ATP11B: variants seen among roughly 807,000 people sequenced by gnomAD.
ATP11B encodes the protein ATPase phospholipid transporting 11B (putative), also known as phospholipid-transporting ATPase IF.
In ATP11B, 81 loss-of-function variants were observed where a neutral mutation model predicts 157.8. That is an observed-to-expected ratio of 0.51 (90% CI 0.43 to 0.62). The LOEUF (loss-of-function observed/expected upper bound fraction) is 0.62. Among genes scored for constraint, ATP11B ranks in the 20% least tolerant of loss-of-function variants. The pLI, the probability that ATP11B is intolerant of heterozygous loss-of-function variation, is 0.00. For missense variants in ATP11B, 1,165 were observed against 1,402.2 expected (o/e 0.83, Z 2.70); for synonymous variants, 451 against 469.4 (o/e 0.96, Z 0.51).
At chr3:182,802,183 C>A (rs1047261709) in intron 1 of ATP11B, among the ~76,000 whole-genome samples, 1 of 152,180 alleles carries the variant, frequency 6.6e-6, no homozygotes, top group African/African-American at 2.4e-5. Flanking sequence ...AGAACCATTT[C>A]TCTCGTCTTT....
chr3:182,826,435 G>A (rs1317104235), intron 2 of ATP11B, among the ~76,000 whole-genome samples: 1 of 152,106 alleles, frequency 6.6e-6, no homozygotes, highest in African/African-American at 2.4e-5. Flanking sequence ...TCCTTATAAA[G>A]TATTATACAT....
At chr3:182,822,338 G>A (rs566178532) in intron 2 of ATP11B, among the ~76,000 whole-genome samples, 120 of 151,840 alleles carry the variant, frequency 7.9e-4, no homozygotes, top group African/African-American at 2.6e-3. Context: ...TCATTGTTCT[G>A]TTCCCACCTA....
At position 182,898,146 on chromosome 3, in the gene ATP11B, A is replaced by G. The variant is rs567278543; in HGVS notation, c.3153-461A>G. 2.0e-5 allele frequency among the ~76,000 whole-genome samples: 3 copies of G among 152,278 alleles called. No homozygotes were observed. The East Asian group carries it at 5.8e-4, about 29-fold the overall frequency. ...ATATTCTTTTGAGGTAGTATATACA[A>G]AAACCCAAAAAGAATATCTTTATAA... On this transcript the variant is annotated intron_variant, in intron 27 of 29. Transcript: ENST00000323116.
At chr3:182,902,030 T>C (rs1724003569) in intron 28 of ATP11B, among the ~76,000 whole-genome samples, 1 of 152,176 alleles carries the variant, frequency 6.6e-6, no homozygotes, top group African/African-American at 2.4e-5. Context: ...GGTTGGTGTG[T>C]TTTTTCCTTT....
intron 1 of ATP11B, among the ~76,000 whole-genome samples, chr3:182,802,257 A>G (rs1269253070): frequency 6.6e-6 from 1 of 152,044 alleles, no homozygotes; most frequent in Non-Finnish European, 1.5e-5. Context: ...AAAGCTTCCT[A>G]GTTCATCTCA....
In ATP11B at chr3:182,857,361, A is replaced by T. The variant is rs1214463523; in HGVS notation, c.852-517A>T. 5.9e-5 allele frequency among the ~76,000 whole-genome samples: 9 copies of T among 152,148 alleles called. No individual in the cohort carries two copies. The East Asian group carries it at 9.7e-4, about 16-fold the overall frequency. ...ATGGGGTTTCATCGTGTTAACCAGG[A>T]TGGTCTCAATCTCCTGATCTCGTGA... is the stretch of plus-strand genomic sequence containing the variant. On this transcript the variant is annotated intron_variant, in intron 10 of 29. Transcript: ENST00000323116.
chr3:182,884,970 C>T (rs1722701387), intron 22 of ATP11B, 72 bp downstream of exon 22: 6 of 856,066 alleles, frequency 7.0e-6, no homozygotes, highest in Non-Finnish European at 1.0e-5. Context: ...ATGTTATAAC[C>T]TTATACATTT....
intron 9 of ATP11B, among the ~76,000 whole-genome samples, chr3:182,848,199 A>G (rs1355701497): frequency 1.3e-5 from 2 of 152,104 alleles, no homozygotes; most frequent in Non-Finnish European, 2.9e-5. Flanking sequence ...CTTTTCCTCT[A>G]TCAATTCCAA....
At chr3:182,827,748 C>T (rs1184869868) in intron 2 of ATP11B, among the ~76,000 whole-genome samples, 5 of 151,466 alleles carry the variant, frequency 3.3e-5, no homozygotes, top group Non-Finnish European at 7.4e-5. Context: ...GCATTTCTAT[C>T]AACTCATATT....
Position 182,837,029 on chromosome 3 carries a change from A to G in ATP11B, c.553-42A>G, listed in dbSNP as rs756069835. ...GAAATAACTGATATTGAAGGTCGCA[A>G]TTTGGATCTGAAAACTCTACAGTTT... is the stretch of plus-strand genomic sequence containing the variant. On this transcript the variant is annotated intron_variant, in intron 6 of 29. Transcript: ENST00000323116. The G allele has an allele frequency of 2.5e-5, 37 of 1,466,650 alleles. 1 individual carries two copies. The highest frequency in any genetic ancestry group is 3.5e-4 in the Middle Eastern group (2 of 5,764). The allele number at this position is 1,466,650 out of a possible 1,614,324, so 90.9% of individuals were successfully genotyped here.
chr3:182,888,748 A>G (rs970824392), intron 24 of ATP11B, among the ~76,000 whole-genome samples: 2 of 151,526 alleles, frequency 1.3e-5, no homozygotes, highest in African/African-American at 4.9e-5. Flanking sequence ...AGGTTTTGCC[A>G]TGTTGCCCTG....
At chr3:182,857,748 G>A (rs544899860) in intron 10 of ATP11B, 130 bp from the exon 11 acceptor site, 67 of 515,060 alleles carry the variant, frequency 1.3e-4, no homozygotes, top group African/African-American at 1.2e-3. Context: ...CAAAAGCTGT[G>A]TATTTTAAAA....
At chr3:182,848,715 T>C (rs1339887293) in intron 10 of ATP11B, among the ~76,000 whole-genome samples, 158 bp downstream of exon 10, 3 of 151,886 alleles carry the variant, frequency 2.0e-5, no homozygotes, top group Non-Finnish European at 4.4e-5. Context: ...AAGTAACATT[T>C]TGCACAGTAT....
intron 15 of ATP11B, 135 bp downstream of exon 15, chr3:182,867,579 CT>C (rs386398716): frequency 0.037 from 5,617 of 152,086 alleles, no homozygotes; most frequent in East Asian, 0.091. Flanking sequence ...AGTCACATTA[CT>C]TTTTTTTTTT....
intron 7 of ATP11B, among the ~76,000 whole-genome samples, chr3:182,837,993 A>G (rs1170590897): frequency 6.6e-6 from 1 of 152,052 alleles, no homozygotes; most frequent in Non-Finnish European, 1.5e-5. Context: ...AATTACAGCA[A>G]ATTTGTAGAA....
chr3:182,825,376 T>C (rs1476212053), intron 2 of ATP11B, among the ~76,000 whole-genome samples: 1 of 152,204 alleles, frequency 6.6e-6, no homozygotes, highest in Non-Finnish European at 1.5e-5. Context: ...CATGTTGTGG[T>C]TGTGTGGTAT....
intron 17 of ATP11B, among the ~76,000 whole-genome samples, chr3:182,870,691 G>C (rs1721589507): frequency 6.6e-6 from 1 of 152,022 alleles, no homozygotes; most frequent in Admixed American, 6.5e-5. Context: ...CTGCTAAATA[G>C]GGCTGGGCGC....
chr3:182,810,849 A>G (rs1157167253), intron 1 of ATP11B, among the ~76,000 whole-genome samples: 1 of 152,210 alleles, frequency 6.6e-6, no homozygotes, highest in Non-Finnish European at 1.5e-5. Context: ...ATCCAAATAC[A>G]TAGTTGATTC....
chr3:182,844,835 CTT>C (rs1719343058), intron 8 of ATP11B, among the ~76,000 whole-genome samples: 1 of 151,994 alleles, frequency 6.6e-6, no homozygotes, highest in African/African-American at 2.4e-5. Flanking sequence ...GCTGCTTACT[CTT>C]TGATTTTGCT....
Sources: allele counts gnomAD v4.1 joint callset (sites outside exome capture counted in the v4.1 genomes callset), GRCh38; gene constraint gnomAD v4.1.1; transcripts MANE v1.5; gene names NCBI Gene and HGNC (gene_info 2026-07-23, HGNC 2026-07-21).